The following SLC1A2 variants were observed in gnomAD, a reference collection of about 807,000 sequenced individuals.
SLC1A2 encodes the protein excitatory amino acid transporter 2.
Under a neutral mutation model 48.8 loss-of-function variants are expected in SLC1A2, and 15 were observed. That is an observed-to-expected ratio of 0.31 (90% CI 0.21 to 0.47). The LOEUF (loss-of-function observed/expected upper bound fraction) is 0.47, where lower values mean the gene tolerates loss of function less well. Among genes scored for constraint, SLC1A2 ranks in the 20% least tolerant of loss-of-function variants. The pLI is 0.99. For synonymous variants in SLC1A2, 279 were observed against 272.6 expected, an observed-to-expected ratio of 1.02 and a Z score of -0.23; for missense variants, 502 against 730.5, an observed-to-expected ratio of 0.69 and a Z score of 3.61.
intron 7 of SLC1A2, among the ~76,000 whole-genome samples, chr11:35,289,975 C>A (rs747766972): frequency 2.0e-5 from 3 of 151,868 alleles, no homozygotes; most frequent in African/African-American, 4.8e-5. Flanking sequence ...ACAAGGCAGG[C>A]GAAAGGGGAG....
At chr11:35,326,231 C>A (rs1852248455) in intron 1 of SLC1A2, among the ~76,000 whole-genome samples, 1 of 152,138 alleles carries the variant, frequency 6.6e-6, no homozygotes. Context: ...ATCTTAGGAC[C>A]CAACTACCAA....
chr11:35,302,884 G>T (rs1315019655), intron 5 of SLC1A2, among the ~76,000 whole-genome samples: 1 of 148,254 alleles, frequency 6.7e-6, no homozygotes, highest in Non-Finnish European at 1.5e-5. Context: ...CCCTGATCTA[G>T]TATTGCCATT....
chr11:35,283,009 T>C (rs888504766), intron 8 of SLC1A2, among the ~76,000 whole-genome samples: 1 of 145,726 alleles, frequency 6.9e-6, no homozygotes, highest in African/African-American at 2.8e-5. Context: ...CTGGAAGCTG[T>C]TAAGATACTA....
At chr11:35,361,525 G>A (rs936133751) in intron 1 of SLC1A2, among the ~76,000 whole-genome samples, 12 of 152,000 alleles carry the variant, frequency 7.9e-5, no homozygotes, top group Non-Finnish European at 1.2e-4. Flanking sequence ...TTTGTTACTC[G>A]CTCCTCCTTT....
chr11:35,332,331 T>A (rs1852457167), intron 1 of SLC1A2, among the ~76,000 whole-genome samples: 1 of 152,218 alleles, frequency 6.6e-6, no homozygotes, highest in Admixed American at 6.5e-5. Context: ...GTGAAAAGCC[T>A]TCATCCCAAG....
rs954817414 is a variant in SLC1A2 at position 35,357,999 on chromosome 11, G to T, written c.18-40483C>A. Among the ~76,000 whole-genome samples, 3 of 152,182 alleles carry T rather than the reference G, an allele frequency of 2.0e-5. 1 individual carries two copies. Among genetic ancestry groups the T allele is most frequent in the Middle Eastern group, 6.8e-3 (2 of 294 alleles). On this transcript the variant is annotated intron_variant, in intron 1 of 10. Coordinates refer to ENST00000278379, the MANE Select transcript of SLC1A2 (RefSeq NM_004171.4). ...GTCTCTACCAAAAATACAAAAATTA[G>T]CTGGGTGTGGTGGCAGGTGGCTATA... is the stretch of plus-strand genomic sequence containing the variant.
chr11:35,387,554 G>GA (rs1854623835), intron 1 of SLC1A2, among the ~76,000 whole-genome samples: 2 of 152,200 alleles, frequency 1.3e-5, no homozygotes, highest in Non-Finnish European at 2.9e-5. Context: ...TAAATGACAG[G>GA]AAAGTATTTG....
At chr11:35,368,690 T>G (rs1853944189) in intron 1 of SLC1A2, among the ~76,000 whole-genome samples, 1 of 152,242 alleles carries the variant, frequency 6.6e-6, no homozygotes, top group Non-Finnish European at 1.5e-5. Context: ...TTCCTAGCTC[T>G]GCAGGCTTGC....
chr11:35,278,430 C>T (rs2134673669), intron 9 of SLC1A2, among the ~76,000 whole-genome samples: 1 of 152,072 alleles, frequency 6.6e-6, no homozygotes, highest in Middle Eastern at 3.4e-3. Context: ...CATATGCCAC[C>T]ACACCTGGCT....
chr11:35,409,652 T>C (rs1256615600), intron 1 of SLC1A2, among the ~76,000 whole-genome samples: 2 of 152,160 alleles, frequency 1.3e-5, no homozygotes, highest in Non-Finnish European at 2.9e-5. Flanking sequence ...TTCACGCCTA[T>C]AATCTCAGCA....
intron 1 of SLC1A2, among the ~76,000 whole-genome samples, chr11:35,388,808 A>T (rs1854664967): frequency 6.6e-6 from 1 of 152,256 alleles, no homozygotes; most frequent in Non-Finnish European, 1.5e-5. Context: ...CTCAGAAAGC[A>T]TGAGCAGGTG....
At chr11:35,410,599 C>T (rs1855428275) in intron 1 of SLC1A2, among the ~76,000 whole-genome samples, 1 of 152,146 alleles carries the variant, frequency 6.6e-6, no homozygotes, top group South Asian at 2.1e-4. Context: ...GATTCATTTG[C>T]CCAGCTGCTG....
Position 35,389,147 on chromosome 11 carries a change from AT to A in SLC1A2, c.17+29802del, listed in dbSNP as rs1276513652. On this transcript the variant is annotated intron_variant, in intron 1 of 10. Transcript: ENST00000278379. The stretch of plus-strand genomic sequence containing the variant: ...ATGACCAAAAACTGAGGGAAAAAAA[AT>A]ATTTGTGGAAGAGTCAATAAAAGAA... Among the ~76,000 whole-genome samples, 11 of 151,984 alleles carry A rather than the reference AT, an allele frequency of 7.2e-5. No individual in the cohort carries two copies. The South Asian group carries it at 8.3e-4, about 11-fold the overall frequency.
chr11:35,285,039 T>C (rs1348308451), intron 8 of SLC1A2, among the ~76,000 whole-genome samples: 1 of 152,198 alleles, frequency 6.6e-6, no homozygotes, highest in African/African-American at 2.4e-5. Flanking sequence ...AGATTGACAG[T>C]GCTGCCCGGG....
In SLC1A2 at chr11:35,389,357, AGTTCCTCATTCTC is replaced by A. The variant is rs142076641; in HGVS notation, c.17+29580_17+29592del. 3.1e-3 allele frequency among the ~76,000 whole-genome samples: 476 copies of A among 152,228 alleles called. 16 individuals carry two copies. In the East Asian group the frequency reaches 0.077, roughly 25 times the overall value. ...AAGGAGCTCAAGGCTGAGTTCACAG[AGTTCCTCATTCTC>A]GTTCCAAAACTACTTCTCAGGTTTT... On this transcript the variant is annotated intron_variant, in intron 1 of 10. Transcript: ENST00000278379.
At chr11:35,396,614 C>T (rs983980862) in intron 1 of SLC1A2, among the ~76,000 whole-genome samples, 3 of 151,974 alleles carry the variant, frequency 2.0e-5, no homozygotes, top group Non-Finnish European at 2.9e-5. Context: ...AAATTTTCTC[C>T]CATTTTTTAG....
intron 1 of SLC1A2, among the ~76,000 whole-genome samples, chr11:35,380,896 T>A (rs7101653): frequency 6.6e-6 from 1 of 152,112 alleles, no homozygotes; most frequent in Non-Finnish European, 1.5e-5. Context: ...GGATTCACAG[T>A]GACTGCTAAA....
intron 1 of SLC1A2, among the ~76,000 whole-genome samples, chr11:35,358,247 A>G (rs1853554374): frequency 6.6e-6 from 1 of 152,212 alleles, no homozygotes; most frequent in African/African-American, 2.4e-5. Context: ...GGAATACAAC[A>G]TTTCAACAGT....
At chr11:35,266,147 C>A (rs111290833) in intron 9 of SLC1A2, among the ~76,000 whole-genome samples, 1 of 152,136 alleles carries the variant, frequency 6.6e-6, no homozygotes, top group Admixed American at 6.5e-5. Flanking sequence ...AGTACAGCAA[C>A]CCCTCCTGAT....
Sources: gnomAD v4.1 joint callset for allele counts (sites outside exome capture counted in the v4.1 genomes callset) on GRCh38, gnomAD v4.1.1 for gene constraint, MANE v1.5 for transcripts, NCBI Gene and HGNC (gene_info 2026-07-23, HGNC 2026-07-21) for gene names.